Variants in SRD5A2 observed in about 807,000 individuals in gnomAD.
SRD5A2 encodes steroid 5 alpha-reductase 2.
In SRD5A2, 30 loss-of-function variants were observed where a neutral mutation model predicts 27.4. The observed-to-expected ratio is 1.10, with a 90% CI of 0.82 to 1.49. The LOEUF (loss-of-function observed/expected upper bound fraction) is 1.49, where lower values mean the gene tolerates loss of function less well. Among genes scored for constraint, SRD5A2 ranks in the 40% most tolerant of loss-of-function variants. SRD5A2 has a pLI of 0.00. For missense variants in SRD5A2, 348 were observed against 323.4 expected, an observed-to-expected ratio of 1.08 and a Z score of -0.58; for synonymous variants, 141 against 133.6, an observed-to-expected ratio of 1.06 and a Z score of -0.38.
At chr2:31,532,702 C>T (rs946774252) in intron 2 of SRD5A2, among the ~76,000 whole-genome samples, 4 of 151,992 alleles carry the variant, frequency 2.6e-5, no homozygotes, top group African/African-American at 9.7e-5. Context: ...AGTCTATTCT[C>T]ACCTTATTTG....
the SRD5A2 span, among the ~76,000 whole-genome samples, chr2:31,646,088 T>C: frequency 6.6e-6 from 1 of 152,242 alleles, no homozygotes; most frequent in Admixed American, 6.5e-5. Context: ...TTTAATACCA[T>C]AAACATGACT....
intron 1 of SRD5A2, among the ~76,000 whole-genome samples, chr2:31,559,685 A>T (rs1666574828): frequency 1.3e-5 from 2 of 152,190 alleles, no homozygotes; most frequent in Non-Finnish European, 1.5e-5. Context: ...GAAAATAAAG[A>T]TATGAAAGTA....
the SRD5A2 span, among the ~76,000 whole-genome samples, chr2:31,633,192 T>G: frequency 1.3e-5 from 2 of 152,124 alleles, no homozygotes; most frequent in Non-Finnish European, 2.9e-5. Flanking sequence ...ACAGGATAAA[T>G]TGAATGGGGA....
At chr2:31,597,952 G>A in the SRD5A2 span, among the ~76,000 whole-genome samples, 1 of 152,066 alleles carries the variant, frequency 6.6e-6, no homozygotes, top group Non-Finnish European at 1.5e-5. Context: ...CCACTACTGG[G>A]TGTCTACCCA....
At chr2:31,642,350 A>G in the SRD5A2 span, among the ~76,000 whole-genome samples, 8 of 152,084 alleles carry the variant, frequency 5.3e-5, no homozygotes, top group Admixed American at 4.6e-4. Context: ...CTTTTTGACC[A>G]AGTCCTTGCA....
intron 1 of SRD5A2, among the ~76,000 whole-genome samples, chr2:31,553,905 G>A (rs114035347): frequency 0.016 from 2,417 of 152,200 alleles, 25 homozygotes; most frequent in Middle Eastern, 0.034. Context: ...TTTGGACAAA[G>A]GAATAGTAAA....
intron 1 of SRD5A2, among the ~76,000 whole-genome samples, chr2:31,544,605 G>T (rs1318536203): frequency 2.6e-5 from 4 of 151,712 alleles, no homozygotes; most frequent in Non-Finnish European, 4.4e-5. Context: ...TAAAAACAAG[G>T]AAGATCCTAT....
the SRD5A2 span, among the ~76,000 whole-genome samples, chr2:31,634,901 T>A: frequency 6.6e-6 from 1 of 152,202 alleles, no homozygotes; most frequent in Non-Finnish European, 1.5e-5. Context: ...TTCCATTGGG[T>A]ATATGTAGCA....
chr2:31,657,396 T>C, the SRD5A2 span, among the ~76,000 whole-genome samples: 8 of 152,212 alleles, frequency 5.3e-5, no homozygotes. Flanking sequence ...GGTACTCTCT[T>C]TGTTTGTTTT....
chr2:31,593,244 A>T, the SRD5A2 span, among the ~76,000 whole-genome samples: 1 of 152,194 alleles, frequency 6.6e-6, no homozygotes, highest in Non-Finnish European at 1.5e-5. Flanking sequence ...CATGTACCCT[A>T]AAACTTAAAG....
chr2:31,644,602 C>T, the SRD5A2 span, among the ~76,000 whole-genome samples: 1 of 152,196 alleles, frequency 6.6e-6, no homozygotes, highest in Non-Finnish European at 1.5e-5. Context: ...CGGTGATGCT[C>T]TCTGGCCTGC....
chr2:31,608,616 T>C, the SRD5A2 span, among the ~76,000 whole-genome samples: 8 of 152,094 alleles, frequency 5.3e-5, no homozygotes, highest in South Asian at 1.7e-3. Flanking sequence ...GTTGTATTCC[T>C]ATACATTAGA....
the SRD5A2 span, among the ~76,000 whole-genome samples, chr2:31,654,639 G>A: frequency 2.0e-5 from 3 of 152,078 alleles, no homozygotes; most frequent in Non-Finnish European, 4.4e-5. Context: ...AATAATAAAT[G>A]TTAAAAACAA....
chr2:31,646,218 A>G, the SRD5A2 span, among the ~76,000 whole-genome samples: 1 of 152,142 alleles, frequency 6.6e-6, no homozygotes, highest in Admixed American at 6.5e-5. Flanking sequence ...GCCTTCTTGC[A>G]TCTACATTCA....
the SRD5A2 span, among the ~76,000 whole-genome samples, chr2:31,615,413 G>A: frequency 1.3e-5 from 2 of 152,098 alleles, no homozygotes; most frequent in African/African-American, 4.8e-5. Context: ...GAGCTAGTTG[G>A]GAACTGGAGT....
chr2:31,660,362 T>C, the SRD5A2 span, among the ~76,000 whole-genome samples: 1 of 152,114 alleles, frequency 6.6e-6, no homozygotes, highest in Admixed American at 6.6e-5. Context: ...TCTGACAAAA[T>C]TACCGATGCA....
chr2:31,606,754 T>G, the SRD5A2 span, among the ~76,000 whole-genome samples: 2 of 151,970 alleles, frequency 1.3e-5, no homozygotes, highest in African/African-American at 4.8e-5. Context: ...ATCTCCATTC[T>G]GAGTCACATC....
the SRD5A2 span, among the ~76,000 whole-genome samples, chr2:31,614,227 C>G: frequency 6.6e-6 from 1 of 152,210 alleles, no homozygotes; most frequent in East Asian, 1.9e-4. Context: ...TTCCTAGATA[C>G]AGTAGGGACA....
At chr2:31,655,383 G>A in the SRD5A2 span, among the ~76,000 whole-genome samples, 1 of 152,238 alleles carries the variant, frequency 6.6e-6, no homozygotes, top group African/African-American at 2.4e-5. Flanking sequence ...CTACAGGCAT[G>A]AGCCACTGCA....
Sources: allele counts gnomAD v4.1 joint callset (sites outside exome capture counted in the v4.1 genomes callset), GRCh38; gene constraint gnomAD v4.1.1; transcripts MANE v1.5; gene names NCBI Gene and HGNC (gene_info 2026-07-23, HGNC 2026-07-21).